The following CD44 variants were observed in gnomAD, a reference collection of about 807,000 sequenced individuals.
CD44 encodes the protein CD44 antigen.
In CD44, 49 loss-of-function variants were observed where a neutral mutation model predicts 88.8. That is an observed-to-expected ratio of 0.55 (90% CI 0.44 to 0.70). The LOEUF is 0.70. CD44 is among the 30% of genes least tolerant of loss of function. The pLI, the probability that CD44 is intolerant of heterozygous loss-of-function variation, is 0.00. For synonymous variants in CD44, 325 were observed against 312.3 expected (o/e 1.04, Z -0.43); for missense variants, 883 against 913.8 (o/e 0.97, Z 0.43).
In CD44 at chr11:35,201,765, G is replaced by C; in HGVS notation, c.1131G>C (p.Glu377Asp). The stretch of plus-strand genomic sequence containing the variant: ...ACCATGAGCATCATGAGGAAGAAGA[G>C]ACCCCACATTCTACAAGCACAAGTA... ...LIHHEHHEEE[E>D]TPHSTSTIQA... Residue 377 changes from glutamate (E) to aspartate (D), a missense_variant, in exon 9 of 18, where the codon GAG (glutamate) becomes GAC (aspartate). Physicochemically the swap from Glu to Asp is conservative, Grantham distance 45. Transcript: ENST00000428726. The C allele has an allele frequency of 6.2e-7, 1 of 1,613,778 alleles. No individual in the cohort carries two copies. Among genetic ancestry groups the C allele is most frequent in the Non-Finnish European group, 8.5e-7 (1 of 1,179,738 alleles).
chr11:35,176,094 G>A (rs1944436016), intron 1 of CD44, among the ~76,000 whole-genome samples: 1 of 148,752 alleles, frequency 6.7e-6, no homozygotes, highest in Non-Finnish European at 1.5e-5. Flanking sequence ...CCAGGCTGGA[G>A]TGCAGTGGCG....
At chr11:35,222,937 G>C in intron 17 of CD44, 2 of 985,330 alleles carry the variant, frequency 2.0e-6, no homozygotes, top group South Asian at 9.4e-5. Context: ...ACTCCTTACT[G>C]GTTTTTGGAA....
At chr11:35,152,476 C>T (rs1367373686) in intron 1 of CD44, among the ~76,000 whole-genome samples, 1 of 152,212 alleles carries the variant, frequency 6.6e-6, no homozygotes, top group East Asian at 1.9e-4. Flanking sequence ...CTTTATCTGT[C>T]TAATGGTTCA....
intron 1 of CD44, among the ~76,000 whole-genome samples, chr11:35,165,176 T>C (rs1026620680): frequency 6.6e-6 from 1 of 152,148 alleles, no homozygotes; most frequent in African/African-American, 2.4e-5. Context: ...TTTCAACCAC[T>C]TGAAATACTG....
chr11:35,225,152 A>T (rs1443525140), intron 17 of CD44, among the ~76,000 whole-genome samples: 2 of 124,128 alleles, frequency 1.6e-5, no homozygotes, highest in Non-Finnish European at 3.8e-5. Context: ...TTTTAATTTC[A>T]TTTCATTGTA....
chr11:35,186,570 T>C (rs1463258625), intron 3 of CD44, among the ~76,000 whole-genome samples: 1 of 152,210 alleles, frequency 6.6e-6, no homozygotes, highest in Non-Finnish European at 1.5e-5. Flanking sequence ...TGATATAGAA[T>C]GTATATTTAT....
chr11:35,205,977 C>T (rs1338840744), intron 10 of CD44, 135 bp from the exon 11 acceptor site: 5 of 1,326,296 alleles, frequency 3.8e-6, no homozygotes, highest in Non-Finnish European at 4.8e-6. Context: ...TATGCAACTT[C>T]CTTGCCCTCT....
At chr11:35,196,034 A>G (rs1179240700) in intron 5 of CD44, among the ~76,000 whole-genome samples, 1 of 152,152 alleles carries the variant, frequency 6.6e-6, no homozygotes, top group Non-Finnish European at 1.5e-5. Flanking sequence ...CATATCCTAA[A>G]TTCTTGGAGA....
At position 35,139,324 on chromosome 11, in the gene CD44, C is replaced by G; in HGVS notation, c.21C>G (p.His7Gln). 1 of 1,562,162 alleles carries G rather than the reference C, an allele frequency of 6.4e-7. No homozygotes were observed. Residue 7 changes from histidine (H) to glutamine (Q), a missense_variant, in exon 1 of 18, where the codon CAC becomes CAG. Around this residue, in one of 2 missense-constraint regions of CD44, gnomAD observed 252 missense variants for 322.9 expected, o/e 0.78. Transcript: ENST00000428726. ...ACACCATGGACAAGTTTTGGTGGCA[C>G]GCAGCCTGGGGACTCTGCCTCGTGC... MDKFWW[H>Q]AAWGLCLVPL...
chr11:35,183,490 A>G lies in CD44; in HGVS notation c.367+3083A>G, dbSNP rs578109286. 2.2e-4 allele frequency among the ~76,000 whole-genome samples: 34 copies of G among 152,340 alleles called. 1 individual carries two copies. The South Asian group carries it at 7.0e-3, about 32-fold the overall frequency. ...CCTATGCAAAGATTTCATTGCAAGG[A>G]TCCCTGAATCTAATTTAGCCTGAAA... is the stretch of plus-strand genomic sequence containing the variant. On this transcript the variant is annotated intron_variant, in intron 3 of 17. Coordinates refer to ENST00000428726, the MANE Select transcript of CD44 (RefSeq NM_000610.4).
At chr11:35,154,159 AGT>A (rs1299212985) in intron 1 of CD44, among the ~76,000 whole-genome samples, 2 of 152,234 alleles carry the variant, frequency 1.3e-5, no homozygotes, top group Non-Finnish European at 2.9e-5. Flanking sequence ...AGGGATCTTG[AGT>A]GTCAAGCATT....
intron 1 of CD44, among the ~76,000 whole-genome samples, chr11:35,163,762 C>T (rs938519092): frequency 6.6e-6 from 1 of 152,126 alleles, no homozygotes; most frequent in Non-Finnish European, 1.5e-5. Context: ...CAAATTCTAA[C>T]CCAAGATGTT....
chr11:35,142,673 T>C (rs1174927780), intron 1 of CD44, among the ~76,000 whole-genome samples: 2 of 152,216 alleles, frequency 1.3e-5, no homozygotes, highest in Non-Finnish European at 2.9e-5. Context: ...CATTTACACA[T>C]TGGACATCTA....
chr11:35,201,313 T>C (rs1947297770), intron 8 of CD44, 118 bp downstream of exon 8: 1 of 744,458 alleles, frequency 1.3e-6, no homozygotes, highest in Non-Finnish European at 2.4e-6. Context: ...AAGAAATTCT[T>C]AGTGGACTTT....
chr11:35,188,869 C>T (rs950665991), intron 4 of CD44, among the ~76,000 whole-genome samples: 5 of 151,736 alleles, frequency 3.3e-5, no homozygotes, highest in Admixed American at 6.6e-5. Context: ...ACCCAGGAGG[C>T]GGAGGCTGCT....
intron 1 of CD44, among the ~76,000 whole-genome samples, chr11:35,160,838 C>A (rs940089230): frequency 6.6e-6 from 1 of 152,190 alleles, no homozygotes; most frequent in East Asian, 1.9e-4. Flanking sequence ...CCCAGTGGAA[C>A]CCACTTTGGT....
intron 5 of CD44, among the ~76,000 whole-genome samples, chr11:35,190,628 G>A (rs1168395549): frequency 2.0e-5 from 3 of 152,242 alleles, no homozygotes; most frequent in Non-Finnish European, 1.5e-5. Flanking sequence ...GTAGGCATAC[G>A]TGGGTCAACT....
chr11:35,155,988 A>C (rs1468649225), intron 1 of CD44, among the ~76,000 whole-genome samples: 1 of 152,236 alleles, frequency 6.6e-6, no homozygotes, highest in East Asian at 1.9e-4. Context: ...TGAAAGGTCA[A>C]GATCACAGCT....
At chr11:35,141,506 G>A (rs186835335) in intron 1 of CD44, among the ~76,000 whole-genome samples, 118 of 152,250 alleles carry the variant, frequency 7.8e-4, no homozygotes, top group African/African-American at 2.7e-3. Context: ...AGTCTCTAGG[G>A]AAGTTTATTT....
Sources: gnomAD v4.1 joint callset for allele counts (sites outside exome capture counted in the v4.1 genomes callset) on GRCh38, gnomAD v4.1.1 for gene constraint, gnomAD v4.1.1 regional missense constraint, MANE v1.5 for transcripts, NCBI Gene and HGNC (gene_info 2026-07-23, HGNC 2026-07-21) for gene names.